DMD: variants seen among roughly 807,000 people sequenced by gnomAD.
The protein encoded by DMD is mutant dystrophin.
Under a neutral mutation model 330.1 loss-of-function variants are expected in DMD, and 63 were observed. The observed-to-expected ratio is 0.19, with a 90% CI of 0.16 to 0.24. The LOEUF (loss-of-function observed/expected upper bound fraction) is 0.24, where lower values mean the gene tolerates loss of function less well. Ranked by LOEUF, DMD falls within the 10% of genes least tolerant of loss-of-function variation. The pLI is 1.00. For missense variants in DMD, 3,344 were observed against 2,684.1 expected (o/e 1.25, Z -5.43); for synonymous variants, 1,223 against 959.8 (o/e 1.27, Z -5.07).
intron 15 of DMD, among the ~76,000 whole-genome samples, chrX:32,572,244 T>C (rs1268090801): frequency 1.8e-5 from 2 of 111,513 alleles, no homozygotes; most frequent in African/African-American, 6.5e-5. Flanking sequence ...GCAAAAAAAA[T>C]GTATGAAACA....
At chrX:33,318,457 T>C (rs907913287) in intron 1 of DMD, among the ~76,000 whole-genome samples, 1 of 109,002 alleles carries the variant, frequency 9.2e-6, no homozygotes, top group Non-Finnish European at 1.9e-5. Context: ...TGTATTTTTT[T>C]TTTTTTTCGA....
intron 51 of DMD, among the ~76,000 whole-genome samples, chrX:31,768,924 ATTC>A (rs2090168676): frequency 8.9e-6 from 1 of 112,276 alleles, no homozygotes; most frequent in Admixed American, 9.5e-5. Context: ...AAATGGCTGT[ATTC>A]TTAAAACTTA....
chrX:31,604,820 G>A (rs1317571844), intron 55 of DMD, among the ~76,000 whole-genome samples: 1 of 111,479 alleles, frequency 9.0e-6, no homozygotes, highest in Non-Finnish European at 1.9e-5. Flanking sequence ...AGCCTCCAGC[G>A]ACTGTAGGTG....
intron 45 of DMD, among the ~76,000 whole-genome samples, chrX:31,952,496 G>T (rs1338028687): frequency 1.9e-5 from 2 of 105,361 alleles, no homozygotes; most frequent in Non-Finnish European, 2.0e-5. Context: ...CCCCATTAGT[G>T]ATTTTTTTAA....
intron 52 of DMD, among the ~76,000 whole-genome samples, chrX:31,719,618 A>G (rs746804416): frequency 8.9e-6 from 1 of 112,034 alleles, no homozygotes; most frequent in Admixed American, 9.5e-5. Context: ...TGTAGGATAA[A>G]GGACATGTAC....
intron 1 of DMD, among the ~76,000 whole-genome samples, chrX:33,086,582 G>A (rs1487454366): frequency 1.8e-5 from 2 of 110,051 alleles, no homozygotes; most frequent in African/African-American, 6.6e-5. Flanking sequence ...TATAGGATGT[G>A]AAAGGCCCCC....
At chrX:32,497,375 C>T (rs1030566826) in intron 19 of DMD, among the ~76,000 whole-genome samples, 11 of 111,765 alleles carry the variant, frequency 9.8e-5, no homozygotes, top group Non-Finnish European at 1.9e-4. Flanking sequence ...ATAATTACTA[C>T]TTTTATTTAA....
intron 2 of DMD, among the ~76,000 whole-genome samples, chrX:33,010,214 A>ATGTGTACATATGTGTGTATATG (rs1222117101): frequency 2.6e-4 from 23 of 90,069 alleles, no homozygotes; most frequent in East Asian, 2.4e-3. Context: ...GTGTGTGTAT[A>ATGTGTACATATGTGTGTATATG]TGTACATATG....
At chrX:31,551,180 G>GAAAAAA (rs202051079) in intron 55 of DMD, among the ~76,000 whole-genome samples, 22 of 67,339 alleles carry the variant, frequency 3.3e-4, no homozygotes, top group African/African-American at 1.2e-3. Flanking sequence ...CTCCATCTCG[G>GAAAAAA]GAAAAAAAAA....
At chrX:32,400,322 T>A (rs1396239980) in intron 30 of DMD, among the ~76,000 whole-genome samples, 1 of 111,537 alleles carries the variant, frequency 9.0e-6, no homozygotes, top group Non-Finnish European at 1.9e-5. Context: ...TTGATCATGG[T>A]GGATAAGCTT....
chrX:32,744,105 A>C (rs1245561811), intron 7 of DMD, among the ~76,000 whole-genome samples: 1 of 110,416 alleles, frequency 9.1e-6, no homozygotes, highest in Non-Finnish European at 1.9e-5. Flanking sequence ...TAGTAAGCAC[A>C]CTCAGGGCTT....
chrX:32,619,415 A>G (rs981088077), intron 11 of DMD, among the ~76,000 whole-genome samples: 1 of 111,528 alleles, frequency 9.0e-6, no homozygotes, highest in South Asian at 3.8e-4. Context: ...GCTAATGAAA[A>G]TATACTCTTG....
rs1159554384 is a variant in DMD at position 31,120,360 on chromosome X, T to TA, written c.*1558dup. On this transcript the variant is annotated 3_prime_UTR_variant, in exon 79 of 79. Transcript: ENST00000357033. The stretch of plus-strand genomic sequence containing the variant: ...GAATCAATTTGCCTTCTTTCTTACT[T>TA]ACTTACAAACCTGTGTGGAACTACT... The TA allele has an allele frequency of 2.7e-5, 3 of 111,534 alleles. No individual in the cohort carries two copies. Among genetic ancestry groups the TA allele is most frequent in the Non-Finnish European group, 5.7e-5 (3 of 52,960 alleles). 9.2% of individuals were successfully genotyped at this position (111,534 alleles called of 1,213,427 possible). A position where few individuals can be genotyped will look rare whatever the true frequency, so the allele number is the denominator to read the frequency against.
At chrX:32,801,366 G>T (rs2076551186) in intron 7 of DMD, among the ~76,000 whole-genome samples, 1 of 111,093 alleles carries the variant, frequency 9.0e-6, no homozygotes, top group Non-Finnish European at 1.9e-5. Context: ...ACTTTTTGAT[G>T]GGGTTATTTT....
chrX:32,792,811 T>C (rs1304202253), intron 7 of DMD, among the ~76,000 whole-genome samples: 1 of 112,078 alleles, frequency 8.9e-6, no homozygotes, highest in Non-Finnish European at 1.9e-5. Context: ...CCCAGATATA[T>C]AAAGCAAGTA....
At chrX:32,779,007 T>G (rs900147553) in intron 7 of DMD, among the ~76,000 whole-genome samples, 20 of 111,722 alleles carry the variant, frequency 1.8e-4, no homozygotes, top group African/African-American at 5.9e-4. Context: ...TATCCAGATT[T>G]CACTTTGTCT....
At chrX:32,466,427 GTTTAA>G (rs996167391) in intron 23 of DMD, among the ~76,000 whole-genome samples, 1 of 110,996 alleles carries the variant, frequency 9.0e-6, no homozygotes, top group Non-Finnish European at 1.9e-5. Flanking sequence ...TTCCCATACT[GTTTAA>G]TTTATTTACC....
chrX:31,318,851 A>T (rs1025543326), intron 62 of DMD, among the ~76,000 whole-genome samples: 1 of 112,110 alleles, frequency 8.9e-6, no homozygotes, highest in Non-Finnish European at 1.9e-5. Context: ...GAGTTTCATT[A>T]GTGAATTCTT....
At chrX:31,832,500 T>C (rs2093072328) in intron 49 of DMD, among the ~76,000 whole-genome samples, 1 of 112,117 alleles carries the variant, frequency 8.9e-6, no homozygotes, top group African/African-American at 3.2e-5. Flanking sequence ...CATTTTGCAG[T>C]TCATATCTGA....
Sources: allele counts gnomAD v4.1 joint callset (sites outside exome capture counted in the v4.1 genomes callset), GRCh38; gene constraint gnomAD v4.1.1; transcripts MANE v1.5; gene names NCBI Gene and HGNC (gene_info 2026-07-23, HGNC 2026-07-21).